The following STPG2 variants were observed in gnomAD, a reference collection of about 807,000 sequenced individuals.
The protein encoded by STPG2 is sperm tail PG-rich repeat containing 2.
STPG2 carries 56 observed loss-of-function variants against 54.2 expected under a neutral mutation model. The observed-to-expected ratio is 1.03, with a 90% CI of 0.83 to 1.29. The LOEUF is 1.29. Ranked by LOEUF, STPG2 falls within the 50% of genes most tolerant of loss-of-function variation. The pLI, the probability that STPG2 is intolerant of heterozygous loss-of-function variation, is 0.00. For synonymous variants in STPG2, 200 were observed against 181.8 expected (o/e 1.10, Z -0.81); for missense variants, 596 against 544.9 (o/e 1.09, Z -0.93).
intron 5 of STPG2, among the ~76,000 whole-genome samples, chr4:98,002,971 T>G (rs914659847): frequency 6.6e-6 from 1 of 152,114 alleles, no homozygotes; most frequent in African/African-American, 2.4e-5. Flanking sequence ...TTGCAGTCTT[T>G]CACCAAGGCA....
At chr4:97,631,053 C>T (rs75414540) in intron 10 of STPG2, among the ~76,000 whole-genome samples, 2,272 of 151,948 alleles carry the variant, frequency 0.015, 52 homozygotes, top group African/African-American at 0.052. Context: ...TAACAAGACA[C>T]ACACACACAT....
intron 4 of STPG2, among the ~76,000 whole-genome samples, chr4:97,500,711 T>G (rs909566038): frequency 6.6e-6 from 1 of 152,036 alleles, no homozygotes; most frequent in Non-Finnish European, 1.5e-5. Flanking sequence ...GAGTGTCAAG[T>G]GCTATGTTAA....
rs112096544 is a variant in STPG2 at position 97,926,522 on chromosome 4, G to A, written c.1044+17375C>T. Among the ~76,000 whole-genome samples, 860 of 152,172 alleles carry A rather than the reference G, an allele frequency of 5.7e-3. 5 individuals carry two copies. The highest frequency in any genetic ancestry group is 0.02 in the Middle Eastern group (6 of 294). On this transcript the variant is annotated intron_variant, in intron 8 of 10. Transcript: ENST00000295268. ...GCTCCACCTATCCTGCTGGTCCCAA[G>A]AACCATTATAAAGTCATGGCTCCCC...
intron 9 of STPG2, among the ~76,000 whole-genome samples, chr4:97,781,390 G>A (rs947913011): frequency 6.6e-6 from 1 of 152,128 alleles, no homozygotes; most frequent in African/African-American, 2.4e-5. Flanking sequence ...GGAAGAAGTT[G>A]AATCCCTTAA....
chr4:97,568,229 T>A (rs1425713829), intron 10 of STPG2, among the ~76,000 whole-genome samples: 1 of 152,226 alleles, frequency 6.6e-6, no homozygotes, highest in African/African-American at 2.4e-5. Context: ...CTTAGTAGGT[T>A]GTTTTTTCTT....
At chr4:98,011,424 T>A (rs1735747381) in intron 5 of STPG2, among the ~76,000 whole-genome samples, 1 of 152,192 alleles carries the variant, frequency 6.6e-6, no homozygotes, top group African/African-American at 2.4e-5. Context: ...TAAATATATG[T>A]GTGCATATGT....
At chr4:97,740,615 T>G (rs1053131737) in intron 9 of STPG2, among the ~76,000 whole-genome samples, 19 of 151,994 alleles carry the variant, frequency 1.3e-4, no homozygotes, top group African/African-American at 4.6e-4. Flanking sequence ...ATTCACAATT[T>G]CTTCAAAGAG....
At chr4:97,660,169 A>AT (rs34619761) in intron 10 of STPG2, among the ~76,000 whole-genome samples, 1 of 151,960 alleles carries the variant, frequency 6.6e-6, no homozygotes, top group African/African-American at 2.4e-5. Context: ...AGCCCAGCTA[A>AT]TTTTTTGTAT....
intron 9 of STPG2, among the ~76,000 whole-genome samples, chr4:97,792,801 A>G (rs993969755): frequency 6.6e-6 from 1 of 152,074 alleles, no homozygotes; most frequent in Non-Finnish European, 1.5e-5. Flanking sequence ...TTCTCTTTGC[A>G]GTGCTTTTTC....
intron 8 of STPG2, among the ~76,000 whole-genome samples, chr4:97,887,078 C>T (rs754753974): frequency 6.6e-6 from 1 of 152,142 alleles, no homozygotes; most frequent in South Asian, 2.1e-4. Flanking sequence ...GCCAATTAAG[C>T]CTCTTTTCTT....
At chr4:97,748,512 T>C (rs967134471) in intron 9 of STPG2, among the ~76,000 whole-genome samples, 1 of 151,470 alleles carries the variant, frequency 6.6e-6, no homozygotes, top group African/African-American at 2.4e-5. Context: ...ATAAAAGTCA[T>C]AGAACAAAAA....
At chr4:98,128,925 G>A (rs1054148198) in intron 2 of STPG2, among the ~76,000 whole-genome samples, 2 of 151,882 alleles carry the variant, frequency 1.3e-5, no homozygotes, top group African/African-American at 2.4e-5. Flanking sequence ...GTAGAGACAG[G>A]GTTTTACCAT....
chr4:97,518,471 C>T (rs981341696), intron 4 of STPG2, among the ~76,000 whole-genome samples: 2 of 152,004 alleles, frequency 1.3e-5, no homozygotes, highest in African/African-American at 4.8e-5. Flanking sequence ...CCCACTAAAA[C>T]CCTATGACTT....
chr4:97,545,131 C>T (rs968466722), intron 4 of STPG2, among the ~76,000 whole-genome samples: 2 of 152,084 alleles, frequency 1.3e-5, no homozygotes, highest in Non-Finnish European at 2.9e-5. Context: ...CCTTGGACTA[C>T]GTTCTGAGAA....
intron 10 of STPG2, among the ~76,000 whole-genome samples, chr4:97,694,157 CA>C (rs887986892): frequency 4.6e-5 from 7 of 151,880 alleles, no homozygotes; most frequent in Non-Finnish European, 8.8e-5. Flanking sequence ...AACGAAAAAA[CA>C]AAATTAGAGC....
intron 4 of STPG2, among the ~76,000 whole-genome samples, chr4:97,442,288 T>G (rs900705051): frequency 6.6e-6 from 1 of 152,022 alleles, no homozygotes; most frequent in Non-Finnish European, 1.5e-5. Context: ...ACTCTTCTAT[T>G]ATCTAGCTTG....
In STPG2 at chr4:97,646,890, T is replaced by C. The variant is rs180681133; in HGVS notation, c.1320+65809A>G. Among the ~76,000 whole-genome samples, 4 of 152,248 alleles carry C rather than the reference T, an allele frequency of 2.6e-5. No homozygotes were observed. In the East Asian group the frequency reaches 7.7e-4, roughly 29 times the overall value. On this transcript the variant is annotated intron_variant, in intron 10 of 10. Coordinates refer to ENST00000295268, the MANE Select transcript of STPG2 (RefSeq NM_174952.3). The stretch of plus-strand genomic sequence containing the variant: ...TGCACCAAACTTTTCTGACATTAAA[T>C]TTCTACCATTAAATTGACAGTTATT...
chr4:98,072,570 TAA>T (rs33970265), intron 5 of STPG2, among the ~76,000 whole-genome samples: 9,076 of 144,704 alleles, frequency 0.063, 336 homozygotes, highest in South Asian at 0.14. Flanking sequence ...GAAGGGAAAA[TAA>T]TAAAATAAAA....
rs140675286 is a variant in STPG2, at chr4:97,466,364, G to A, written c.462+246335C>T. ...AATCAGTTAACTCTTAGTGATAATGGTTAAGATGAGTATGGTTTCTTGAAC... is the reference window on the plus strand; with the variant it reads ...AATCAGTTAACTCTTAGTGATAATGATTAAGATGAGTATGGTTTCTTGAAC... On this transcript the variant is annotated intron_variant, in intron 4 of 4. Coordinates refer to the STPG2 transcript ENST00000522676. 4.2e-3 allele frequency among the ~76,000 whole-genome samples: 641 copies of A among 152,006 alleles called. 3 individuals carry two copies. Among genetic ancestry groups the A allele is most frequent in the South Asian group, 0.02 (98 of 4,822 alleles).
Sources: gnomAD v4.1 joint callset for allele counts (sites outside exome capture counted in the v4.1 genomes callset) on GRCh38, gnomAD v4.1.1 for gene constraint, MANE v1.5 for transcripts, NCBI Gene and HGNC (gene_info 2026-07-23, HGNC 2026-07-21) for gene names.